KAT6B: variants seen among roughly 807,000 people sequenced by gnomAD.
KAT6B encodes lysine acetyltransferase 6B.
Under a neutral mutation model 187.5 loss-of-function variants are expected in KAT6B, and 10 were observed. The observed-to-expected ratio is 0.05, with a 90% CI of 0.03 to 0.09. The LOEUF (loss-of-function observed/expected upper bound fraction) is 0.09. KAT6B is among the 10% of genes least tolerant of loss of function. The probability of loss-of-function intolerance (pLI) is 1.00; values close to 1 mark genes in which losing one functional copy is unlikely to be tolerated. For missense variants in KAT6B, 1,952 were observed against 2,558.9 expected, an observed-to-expected ratio of 0.76 and a Z score of 5.12; for synonymous variants, 861 against 926.8, an observed-to-expected ratio of 0.93 and a Z score of 1.29.
intron 3 of KAT6B, among the ~76,000 whole-genome samples, chr10:74,920,446 A>G (rs75924472): frequency 0.01 from 1,586 of 152,262 alleles, 29 homozygotes; most frequent in African/African-American, 0.037. Flanking sequence ...TCCTGTCCTC[A>G]CCAATTTTTG....
At chr10:74,875,536 G>A (rs989476920) in intron 3 of KAT6B, among the ~76,000 whole-genome samples, 9 of 151,160 alleles carry the variant, frequency 6.0e-5, no homozygotes, top group African/African-American at 2.2e-4. Context: ...GAGTGCAGTG[G>A]CTCATGGCAA....
At chr10:74,877,714 A>C (rs1844526997) in intron 3 of KAT6B, among the ~76,000 whole-genome samples, 1 of 152,248 alleles carries the variant, frequency 6.6e-6, no homozygotes, top group African/African-American at 2.4e-5. Context: ...GGAGAAAAGA[A>C]CAAGATGTTG....
At chr10:74,974,790 G>A (rs1589735585) in intron 7 of KAT6B, among the ~76,000 whole-genome samples, 1 of 152,060 alleles carries the variant, frequency 6.6e-6, no homozygotes, top group Admixed American at 6.5e-5. Flanking sequence ...TTATGCTGTA[G>A]TTAATTGTCT....
chr10:74,961,140 A>G (rs562626493), intron 4 of KAT6B, among the ~76,000 whole-genome samples: 1 of 152,264 alleles, frequency 6.6e-6, no homozygotes, highest in East Asian at 1.9e-4. Flanking sequence ...CAGATTCATT[A>G]AAATTCTTTT....
rs2133646561 is a variant in KAT6B, at chr10:74,969,236, T to C, written c.731-424T>C. ...TTATTTAGTTATCTGTTGAGTTTTA[T>C]GATTTCATCACACACAGAGAGCAGG... On this transcript the variant is annotated intron_variant, in intron 4 of 17. Transcript: ENST00000287239. 1.3e-5 allele frequency among the ~76,000 whole-genome samples: 2 copies of C among 152,316 alleles called. 1 individual carries two copies. The highest frequency in any genetic ancestry group is 6.8e-3 in the Middle Eastern group (2 of 294).
chr10:74,825,147 G>A (rs974272545), upstream of KAT6B, among the ~76,000 whole-genome samples: 3 of 152,186 alleles, frequency 2.0e-5, no homozygotes, highest in Non-Finnish European at 4.4e-5. This position sits in a 1 kb window ranked among gnomAD's most constrained non-coding sequence, Gnocchi z 5.0. Flanking sequence ...AAACTGCCGC[G>A]ATCGCCCGAA....
At chr10:74,912,303 T>C (rs1181024804) in intron 3 of KAT6B, among the ~76,000 whole-genome samples, 1 of 152,064 alleles carries the variant, frequency 6.6e-6, no homozygotes, top group Non-Finnish European at 1.5e-5. Context: ...CATGTATGTA[T>C]GTATGTATGT....
intron 1 of KAT6B, among the ~76,000 whole-genome samples, chr10:74,834,881 T>C (rs1247239069): frequency 1.3e-5 from 2 of 152,246 alleles, no homozygotes; most frequent in Non-Finnish European, 2.9e-5. Flanking sequence ...ATGGACTTGG[T>C]GTCCCTTTTG....
chr10:75,028,895 G>GGAA lies in KAT6B; in HGVS notation c.4073_4074insAGA (p.Glu1368dup), dbSNP rs1564630968. 1.2e-6 allele frequency: 2 copies of GGAA among 1,607,452 alleles called. No homozygotes were observed. Among genetic ancestry groups the GGAA allele is most frequent in the African/African-American group, 2.9e-5 (2 of 70,056 alleles). Reference sequence around the variant, plus strand: ...AACCTGAGGAAGAGGAAGAGGAGGAGGAGGAGGAAGAGGAAGAAGAGGAAG... The same window carrying GGAA: ...AACCTGAGGAAGAGGAAGAGGAGGAGGAAGAGGAGGAAGAGGAAGAAGAGGAAG... On this transcript the variant is annotated inframe_insertion, in exon 18 of 18. Transcript: ENST00000287239.
chr10:74,964,230 C>T (rs1056357395), intron 4 of KAT6B, among the ~76,000 whole-genome samples: 9 of 152,162 alleles, frequency 5.9e-5, no homozygotes, highest in South Asian at 2.1e-4. Flanking sequence ...ATTGACCATC[C>T]AAAGAGATGT....
At chr10:74,952,424 G>A (rs1211896114) in intron 3 of KAT6B, among the ~76,000 whole-genome samples, 1 of 152,060 alleles carries the variant, frequency 6.6e-6, no homozygotes, top group Non-Finnish European at 1.5e-5. Flanking sequence ...GATGGTCAGG[G>A]ACAGCCTTTC....
intron 8 of KAT6B, 121 bp from the exon 9 acceptor site, chr10:74,977,195 T>C (rs1842213677): frequency 1.0e-6 from 1 of 995,844 alleles, no homozygotes; most frequent in Non-Finnish European, 1.5e-6. Context: ...AGCTTATTTA[T>C]AAAGCTTTAA....
At chr10:74,909,269 G>A (rs1315647391) in intron 3 of KAT6B, among the ~76,000 whole-genome samples, 2 of 152,218 alleles carry the variant, frequency 1.3e-5, no homozygotes, top group East Asian at 3.8e-4. Flanking sequence ...TACTTGGGAG[G>A]CTGAGGCAGG....
At chr10:74,957,972 C>G (rs762220111) in intron 3 of KAT6B, among the ~76,000 whole-genome samples, 1 of 152,170 alleles carries the variant, frequency 6.6e-6, no homozygotes, top group Non-Finnish European at 1.5e-5. Context: ...TACTTTTTAA[C>G]TGGGGCTACA....
At chr10:74,904,814 C>G (rs1846642956) in intron 3 of KAT6B, among the ~76,000 whole-genome samples, 1 of 152,108 alleles carries the variant, frequency 6.6e-6, no homozygotes, top group Non-Finnish European at 1.5e-5. Context: ...TGATCCTCCC[C>G]CCTTTAGTAA....
At chr10:74,911,519 C>T (rs1425329847) in intron 3 of KAT6B, among the ~76,000 whole-genome samples, 1 of 152,136 alleles carries the variant, frequency 6.6e-6, no homozygotes, top group Admixed American at 6.5e-5. Flanking sequence ...CCGCCTGCTT[C>T]AGCCTCCCAA....
At chr10:74,918,261 T>C (rs886219133) in intron 3 of KAT6B, among the ~76,000 whole-genome samples, 10 of 152,338 alleles carry the variant, frequency 6.6e-5, no homozygotes, top group East Asian at 1.9e-4. Context: ...GAGAGAGATA[T>C]AGCAGCAAAG....
At chr10:74,972,461 TA>T in intron 6 of KAT6B, 45 bp from the exon 7 acceptor site, 1 of 1,374,150 alleles carries the variant, frequency 7.3e-7, no homozygotes, top group Non-Finnish European at 1.0e-6. Context: ...TATCTTCTCT[TA>T]AAATGAAACA....
Position 75,028,780 on chromosome 10 carries a change from T to C in KAT6B, c.3956T>C (p.Leu1319Ser). ...EEVKETGEAL[L>S]PQEENRREET... ...GTCAAGGAAACTGGGGAAGCCCTGT[T>C]GCCTCAAGAGGAAAACAGAAGGGAA... Residue 1319 changes from leucine to serine, a missense_variant, in exon 18 of 18, where the codon TTG becomes TCG. Leu to Ser is a moderately radical substitution (Grantham distance 145). Around this residue, in one of 9 missense-constraint regions of KAT6B, gnomAD observed 758 missense variants for 891.4 expected, o/e 0.85. Transcript: ENST00000287239. 1 of 1,614,154 alleles carries C rather than the reference T, an allele frequency of 6.2e-7. No homozygotes were observed. The highest frequency in any genetic ancestry group is 2.2e-5 in the East Asian group (1 of 44,878).
Sources: gnomAD v4.1 joint callset for allele counts (sites outside exome capture counted in the v4.1 genomes callset) on GRCh38, gnomAD v4.1.1 for gene constraint, gnomAD v4.1.1 regional missense constraint, Gnocchi (gnomAD v3.1) non-coding constraint, MANE v1.5 for transcripts, NCBI Gene and HGNC (gene_info 2026-07-23, HGNC 2026-07-21) for gene names.